PTPRO: variants seen among roughly 807,000 people sequenced by gnomAD.
PTPRO encodes protein tyrosine phosphatase receptor type O.
PTPRO carries 62 observed loss-of-function variants against 145.2 expected under a neutral mutation model. The observed-to-expected ratio is 0.43, with a 90% confidence interval of 0.35 to 0.53. The LOEUF (loss-of-function observed/expected upper bound fraction) is 0.53. Among genes scored for constraint, PTPRO ranks in the 20% least tolerant of loss-of-function variants. PTPRO has a pLI of 0.01. For missense variants in PTPRO, 1,345 were observed against 1,482.7 expected (o/e 0.91, Z 1.53); for synonymous variants, 565 against 514.7 (o/e 1.10, Z -1.32).
chr12:15,533,062 G>A (rs1220542181), intron 12 of PTPRO, among the ~76,000 whole-genome samples: 2 of 152,142 alleles, frequency 1.3e-5, no homozygotes, highest in Admixed American at 6.5e-5. Flanking sequence ...AGGAATATGA[G>A]TCAAAGTCAT....
chr12:15,371,246 T>C (rs1473211495), intron 1 of PTPRO, among the ~76,000 whole-genome samples: 1 of 152,068 alleles, frequency 6.6e-6, no homozygotes, highest in East Asian at 1.9e-4. Context: ...TATTTTTTTT[T>C]TTTTTAGACC....
At chr12:15,557,356 G>A (rs1183075438) in intron 15 of PTPRO, 99 bp from the exon 16 acceptor site, 7 of 1,094,876 alleles carry the variant, frequency 6.4e-6, no homozygotes, top group Non-Finnish European at 9.8e-6. Context: ...TTAATTTAAT[G>A]CTGTGATGAT....
At chr12:15,417,747 A>G (rs1169092584) in intron 1 of PTPRO, among the ~76,000 whole-genome samples, 2 of 151,774 alleles carry the variant, frequency 1.3e-5, no homozygotes, top group Non-Finnish European at 2.9e-5. Context: ...TAAAGGAATG[A>G]TCTCAGTGTT....
chr12:15,567,649 A>G (rs1487655802), intron 18 of PTPRO, among the ~76,000 whole-genome samples: 6 of 152,186 alleles, frequency 3.9e-5, no homozygotes, highest in Non-Finnish European at 7.3e-5. Context: ...TAAGGTCGAT[A>G]CACTGCCCAA....
At chr12:15,368,933 A>C (rs1480100324) in intron 1 of PTPRO, among the ~76,000 whole-genome samples, 2 of 152,200 alleles carry the variant, frequency 1.3e-5, no homozygotes, top group African/African-American at 4.8e-5. Context: ...ACAACTTCTC[A>C]TTCTATGAGC....
intron 1 of PTPRO, among the ~76,000 whole-genome samples, chr12:15,453,816 G>A (rs190471403): frequency 6.7e-4 from 102 of 152,172 alleles, no homozygotes; most frequent in Admixed American, 9.8e-4. Context: ...CTCAGATAAG[G>A]GGAATCATGC....
intron 1 of PTPRO, among the ~76,000 whole-genome samples, chr12:15,372,623 CAGTAA>C (rs755526543): frequency 1.3e-5 from 2 of 152,090 alleles, no homozygotes; most frequent in African/African-American, 2.4e-5. Flanking sequence ...GCAGCCAAAA[CAGTAA>C]AGTAAAGTTA....
chr12:15,514,625 T>A (rs1351335218), intron 7 of PTPRO, among the ~76,000 whole-genome samples: 1 of 151,284 alleles, frequency 6.6e-6, no homozygotes, highest in Admixed American at 6.6e-5. Context: ...GTCCCAACAC[T>A]AGGCTTCCAG....
intron 1 of PTPRO, among the ~76,000 whole-genome samples, chr12:15,381,987 A>T (rs1938876340): frequency 6.6e-6 from 1 of 152,018 alleles, no homozygotes; most frequent in Admixed American, 6.6e-5. Flanking sequence ...AGCAAAATAA[A>T]TTAGAAACAT....
intron 9 of PTPRO, among the ~76,000 whole-genome samples, chr12:15,518,776 C>T (rs768246363): frequency 3.3e-5 from 5 of 152,152 alleles, no homozygotes; most frequent in African/African-American, 4.8e-5. Flanking sequence ...CTCCAGTTCC[C>T]GACAAGTTCT....
chr12:15,357,112 A>G (rs905373923), intron 1 of PTPRO, among the ~76,000 whole-genome samples: 1 of 152,244 alleles, frequency 6.6e-6, no homozygotes, highest in Non-Finnish European at 1.5e-5. Context: ...GTAATTCGGT[A>G]TAAGCAGACA....
At chr12:15,455,701 T>C (rs1200346054) in intron 1 of PTPRO, among the ~76,000 whole-genome samples, 1 of 152,224 alleles carries the variant, frequency 6.6e-6, no homozygotes, top group East Asian at 1.9e-4. Flanking sequence ...TGTATGTTGA[T>C]TTTGTATCCT....
chr12:15,513,188 A>T (rs571829536), intron 7 of PTPRO, among the ~76,000 whole-genome samples: 1,175 of 115,602 alleles, frequency 0.01, 36 homozygotes, highest in Non-Finnish European at 0.012. Flanking sequence ...AAAGAAAGAA[A>T]GAAAGAAAGA....
intron 16 of PTPRO, among the ~76,000 whole-genome samples, chr12:15,559,013 G>A (rs1244934901): frequency 2.0e-5 from 3 of 152,200 alleles, no homozygotes; most frequent in African/African-American, 7.2e-5. Context: ...CCAAAATTAA[G>A]AGGTTGACTC....
intron 1 of PTPRO, among the ~76,000 whole-genome samples, chr12:15,372,132 G>C (rs1938549245): frequency 6.6e-6 from 1 of 152,092 alleles, no homozygotes; most frequent in Non-Finnish European, 1.5e-5. Context: ...AAGAAAATGT[G>C]GGTCAAGAAT....
chr12:15,444,340 G>A (rs1307812244), intron 1 of PTPRO, among the ~76,000 whole-genome samples: 3 of 151,994 alleles, frequency 2.0e-5, no homozygotes, highest in Non-Finnish European at 4.4e-5. Flanking sequence ...CTCAAGGGGA[G>A]AGGGAGAGGG....
chr12:15,454,931 A>G (rs10846178), intron 1 of PTPRO, among the ~76,000 whole-genome samples: 130,763 of 152,066 alleles, frequency 0.86, 59,091 homozygotes, highest in Non-Finnish European at 0.99. Context: ...ATTCTCTTCC[A>G]TCGGTCTATA....
intron 1 of PTPRO, among the ~76,000 whole-genome samples, chr12:15,354,793 C>A (rs955069994): frequency 6.6e-6 from 1 of 152,082 alleles, no homozygotes; most frequent in Non-Finnish European, 1.5e-5. Context: ...TTACAAATGA[C>A]AAAAACAAGG....
At chr12:15,419,509 TTTC>T in intron 1 of PTPRO, among the ~76,000 whole-genome samples, 1 of 151,794 alleles carries the variant, frequency 6.6e-6, no homozygotes, top group Admixed American at 6.5e-5. Flanking sequence ...AAAATCATGT[TTTC>T]TAACAGTTCA....
Sources: gnomAD v4.1 joint callset for allele counts (sites outside exome capture counted in the v4.1 genomes callset) on GRCh38, gnomAD v4.1.1 for gene constraint, MANE v1.5 for transcripts, NCBI Gene and HGNC (gene_info 2026-07-23, HGNC 2026-07-21) for gene names.